Variants in USP6NL observed in about 807,000 individuals in gnomAD.
USP6NL encodes USP6 N-terminal-like protein.
Under a neutral mutation model 61.9 loss-of-function variants are expected in USP6NL, and 26 were observed. The observed-to-expected ratio is 0.42, with a 90% confidence interval of 0.31 to 0.58. USP6NL has a LOEUF of 0.58. USP6NL is among the 20% of genes least tolerant of loss of function. The pLI is 0.16. For missense variants in USP6NL, 1,114 were observed against 1,034.3 expected (o/e 1.08, Z -1.06); for synonymous variants, 432 against 390.1 (o/e 1.11, Z -1.27).
intron 6 of USP6NL, among the ~76,000 whole-genome samples, chr10:11,506,004 T>C (rs371965756): frequency 1.3e-5 from 2 of 152,336 alleles, no homozygotes; most frequent in African/African-American, 4.8e-5. Context: ...TACTGTGTTT[T>C]ATAACTACAT....
chr10:11,519,065 A>C (rs1835091768), intron 4 of USP6NL, among the ~76,000 whole-genome samples: 1 of 152,146 alleles, frequency 6.6e-6, no homozygotes, highest in African/African-American at 2.4e-5. Flanking sequence ...CGTCTTTTTC[A>C]CAACGATAGC....
intron 2 of USP6NL, among the ~76,000 whole-genome samples, chr10:11,588,368 G>C (rs1838049355): frequency 6.6e-6 from 1 of 152,162 alleles, no homozygotes; most frequent in Admixed American, 6.5e-5. Context: ...TTTTACCGTG[G>C]TTATGCAAAA....
intron 2 of USP6NL, among the ~76,000 whole-genome samples, chr10:11,547,813 T>C (rs1398540176): frequency 7.2e-5 from 11 of 152,170 alleles, no homozygotes; most frequent in South Asian, 6.2e-4. Flanking sequence ...AGTGCTAGGA[T>C]TACAGGCATG....
In USP6NL at chr10:11,553,644, C is replaced by T. The variant is rs944400322; in HGVS notation, c.5-26077G>A. 3.3e-5 allele frequency among the ~76,000 whole-genome samples: 5 copies of T among 152,082 alleles called. No homozygotes were observed. Among genetic ancestry groups the T allele is most frequent in the Admixed American group, 6.6e-5 (1 of 15,264 alleles). ...GTGTGGTGGCTCATGCCTGTAATCC[C>T]GGTACGTTGGAAGGCTGAGGTGGGT... On this transcript the variant is annotated intron_variant, in intron 2 of 14. Coordinates refer to ENST00000609104, the MANE Select transcript of USP6NL (RefSeq NM_014688.5). The surrounding 1 kb of genome is among the most constrained non-coding windows in gnomAD (Gnocchi z 4.8).
rs1167708515 is a variant in USP6NL at position 11,490,945 on chromosome 10, T to TA, written c.495-66dup. ...TCACATATTTTAAAAATTACAAACT[T>TA]AAAAAAATAAACCAAAGACTGACTG... On this transcript the variant is annotated intron_variant, in intron 8 of 14. Coordinates refer to ENST00000609104, the MANE Select transcript of USP6NL (RefSeq NM_014688.5). This position sits in a 1 kb window ranked among gnomAD's most constrained non-coding sequence, Gnocchi z 4.5. 3.6e-6 allele frequency: 5 copies of TA among 1,379,108 alleles called. No homozygotes were observed. In the East Asian group the frequency reaches 1.3e-4, roughly 35 times the overall value. The allele number at this position is 1,379,108 out of a possible 1,614,324, so 85.4% of individuals were successfully genotyped here.
intron 13 of USP6NL, 45 bp downstream of exon 13, chr10:11,484,926 G>A (rs935190356): frequency 2.7e-5 from 38 of 1,409,434 alleles, no homozygotes; most frequent in Non-Finnish European, 3.6e-5. Flanking sequence ...GGTTAAATAA[G>A]CCTCAATTTT....
intron 13 of USP6NL, among the ~76,000 whole-genome samples, chr10:11,483,807 G>T (rs962223358): frequency 3.3e-5 from 5 of 151,986 alleles, no homozygotes; most frequent in African/African-American, 1.2e-4. Context: ...TTTTGTTCTG[G>T]TGCATTAGTT....
rs970096270 is a variant in USP6NL at position 11,465,080 on chromosome 10, C to T, written c.1079-1231G>A. ...TTAGTCCCAGATAAATATATGAATG[C>T]CTTCTTCCCTGTAGGCAAATAATCC... On this transcript the variant is annotated intron_variant, in intron 14 of 14. Transcript: ENST00000609104. This position sits in a 1 kb window ranked among gnomAD's most constrained non-coding sequence, Gnocchi z 4.5. Among the ~76,000 whole-genome samples, 7 of 152,274 alleles carry T rather than the reference C, an allele frequency of 4.6e-5. No homozygotes were observed. Among genetic ancestry groups the T allele is most frequent in the Non-Finnish European group, 1.0e-4 (7 of 68,006 alleles).
rs754197181 is a variant in USP6NL at position 11,585,175 on chromosome 10, C to T, written c.4+12456G>A. On this transcript the variant is annotated intron_variant, in intron 2 of 14. Coordinates refer to ENST00000609104, the MANE Select transcript of USP6NL (RefSeq NM_014688.5). The surrounding 1 kb of genome is among the most constrained non-coding windows in gnomAD (Gnocchi z 4.5). ...TGTCTAACAAGGAAATAGCACCTCA[C>T]TAGGATGGCTACTACCAACGAAACA... Among the ~76,000 whole-genome samples the T allele has an allele frequency of 4.6e-5, 7 of 152,108 alleles. No homozygotes were observed. The highest frequency in any genetic ancestry group is 7.4e-5 in the Non-Finnish European group (5 of 68,026).
intron 2 of USP6NL, among the ~76,000 whole-genome samples, chr10:11,582,965 G>C (rs1201983641): frequency 6.7e-6 from 1 of 148,800 alleles, no homozygotes; most frequent in Non-Finnish European, 1.5e-5. Flanking sequence ...GCGAATTGCT[G>C]TTTTACAGGG....
At chr10:11,471,245 G>A (rs895818743) in intron 14 of USP6NL, among the ~76,000 whole-genome samples, 11 of 151,986 alleles carry the variant, frequency 7.2e-5, no homozygotes, top group African/African-American at 2.4e-4. Flanking sequence ...CATAGGAATT[G>A]GAATAAAGAC....
In USP6NL at chr10:11,470,456, T is replaced by C. The variant is rs573662239; in HGVS notation, c.1079-6607A>G. On this transcript the variant is annotated intron_variant, in intron 14 of 14. Coordinates refer to ENST00000609104, the MANE Select transcript of USP6NL (RefSeq NM_014688.5). The surrounding 1 kb of genome is among the most constrained non-coding windows in gnomAD (Gnocchi z 5.4). ...TAGAGATTAATTATTCAACCTCCAC[T>C]GAACTGAAAACACATCATGCAGACC... Among the ~76,000 whole-genome samples, 1 of 152,314 alleles carries C rather than the reference T, an allele frequency of 6.6e-6. No homozygotes were observed. The highest frequency in any genetic ancestry group is 2.1e-4 in the South Asian group (1 of 4,828).
chr10:11,497,213 T>A (rs1358331825), intron 7 of USP6NL, among the ~76,000 whole-genome samples: 3 of 149,436 alleles, frequency 2.0e-5, no homozygotes, highest in Admixed American at 6.7e-5. Context: ...ATGGAGACCA[T>A]CTTGGCTAAC....
chr10:11,533,055 C>A lies in USP6NL; in HGVS notation c.5-5488G>T, dbSNP rs1835717853. On this transcript the variant is annotated intron_variant, in intron 2 of 14. Transcript: ENST00000609104. ...AAGTAACATCCCTGTTAGAGGCATGCCTATGGACATTAATTACACTTAACT... is the reference window on the plus strand; with the variant it reads ...AAGTAACATCCCTGTTAGAGGCATGACTATGGACATTAATTACACTTAACT... Among the ~76,000 whole-genome samples, 4 of 152,296 alleles carry A rather than the reference C, an allele frequency of 2.6e-5. No homozygotes were observed. The South Asian group carries it at 8.3e-4, about 32-fold the overall frequency.
Position 11,482,758 on chromosome 10 carries a change from C to T in USP6NL, c.926-836G>A, listed in dbSNP as rs144073056. On this transcript the variant is annotated intron_variant, in intron 13 of 14. Coordinates refer to ENST00000609104, the MANE Select transcript of USP6NL (RefSeq NM_014688.5). This position sits in a 1 kb window ranked among gnomAD's most constrained non-coding sequence, Gnocchi z 4.0. The stretch of plus-strand genomic sequence containing the variant: ...CTGTGTGATGAACCTCCAGTAACAA[C>T]GTATTTTTAAGACAATCAGTAAGAA... 3.3e-5 allele frequency among the ~76,000 whole-genome samples: 5 copies of T among 151,468 alleles called. No individual in the cohort carries two copies. The highest frequency in any genetic ancestry group is 7.4e-5 in the Non-Finnish European group (5 of 67,890).
intron 1 of USP6NL, among the ~76,000 whole-genome samples, chr10:11,604,447 ACTAC>A (rs1838646007): frequency 6.6e-6 from 1 of 152,216 alleles, no homozygotes; most frequent in Non-Finnish European, 1.5e-5. Flanking sequence ...AGTCAAAGAG[ACTAC>A]TGACAGTGAA....
At chr10:11,531,476 C>T (rs1186585350) in intron 2 of USP6NL, among the ~76,000 whole-genome samples, 25 of 151,970 alleles carry the variant, frequency 1.6e-4, no homozygotes, top group Non-Finnish European at 3.2e-4. Flanking sequence ...GTGTGAGCCA[C>T]CCGCCTAATT....
At chr10:11,565,236 A>G (rs1269331458) in intron 2 of USP6NL, 1 of 152,220 alleles carries the variant, frequency 6.6e-6, no homozygotes, top group Non-Finnish European at 1.5e-5. Flanking sequence ...TGCGATACAC[A>G]CTTGAGTATA....
intron 2 of USP6NL, among the ~76,000 whole-genome samples, chr10:11,583,799 G>A (rs775468547): frequency 6.6e-6 from 1 of 152,088 alleles, no homozygotes; most frequent in Non-Finnish European, 1.5e-5. Context: ...AGGCTGAGGC[G>A]GACAGATCAC....
Sources: allele counts gnomAD v4.1 joint callset (sites outside exome capture counted in the v4.1 genomes callset), GRCh38; gene constraint gnomAD v4.1.1; non-coding constraint Gnocchi (gnomAD v3.1); transcripts MANE v1.5; gene names NCBI Gene and HGNC (gene_info 2026-07-23, HGNC 2026-07-21).